Variants in MPZL2 observed in about 807,000 individuals in gnomAD.
MPZL2 encodes myelin protein zero like 2.
MPZL2 carries 32 observed loss-of-function variants against 24.5 expected under a neutral mutation model. The ratio of observed to expected loss-of-function variants is 1.31; its 90% CI spans 0.99 to 1.76. The LOEUF is 1.76. MPZL2 is among the 40% of genes most tolerant of loss of function. The pLI is 0.00. For synonymous variants in MPZL2, 92 were observed against 97.9 expected (o/e 0.94, Z 0.36); for missense variants, 304 against 274.9 (o/e 1.11, Z -0.75).
intron 5 of MPZL2, among the ~76,000 whole-genome samples, chr11:118,256,443 C>T (rs1949660548): frequency 6.6e-6 from 1 of 152,090 alleles, no homozygotes; most frequent in Non-Finnish European, 1.5e-5. Flanking sequence ...CGCTTGAGCT[C>T]AGGTGAGACC....
intron 4 of MPZL2, among the ~76,000 whole-genome samples, chr11:118,257,984 T>C (rs1949673005): frequency 6.6e-6 from 1 of 151,592 alleles, no homozygotes. Flanking sequence ...CACTCCAGCC[T>C]GGGCAACCAG....
chr11:118,255,578 C>T (rs1949654925), intron 5 of MPZL2, among the ~76,000 whole-genome samples: 1 of 152,014 alleles, frequency 6.6e-6, no homozygotes, highest in South Asian at 2.1e-4. Flanking sequence ...TGGAATTTAC[C>T]CATCCCTTAA....
chr11:118,262,387 T>C (rs1565500787), intron 3 of MPZL2, 51 bp downstream of exon 3: 2 of 1,579,896 alleles, frequency 1.3e-6, no homozygotes, highest in South Asian at 2.2e-5. Flanking sequence ...GCCCCTTTCT[T>C]TTCTACAAGC....
chr11:118,257,217 C>T, intron 5 of MPZL2, 21 bp downstream of exon 5: 2 of 1,553,522 alleles, frequency 1.3e-6, no homozygotes, highest in South Asian at 2.3e-5. Flanking sequence ...AGAAAGAAAT[C>T]AACCTATTTG....
chr11:118,259,202 A>G (rs1706546491), intron 4 of MPZL2: 1 of 152,200 alleles, frequency 6.6e-6, no homozygotes, highest in Non-Finnish European at 1.5e-5. Flanking sequence ...GATCTACACA[A>G]AAGCTTGTAA....
chr11:118,257,211 A>G (rs1949666400), intron 5 of MPZL2, 27 bp downstream of exon 5: 1 of 1,538,130 alleles, frequency 6.5e-7, no homozygotes, highest in Non-Finnish European at 9.0e-7. Flanking sequence ...AGCTGAAGAA[A>G]GAAATCAACC....
At chr11:118,257,086 A>G (rs1949665449) in intron 5 of MPZL2, 152 bp downstream of exon 5, 1 of 511,354 alleles carries the variant, frequency 2.0e-6, no homozygotes, top group Non-Finnish European at 3.4e-6. Context: ...CATAAGACTA[A>G]TAGAAGACTT....
Position 118,262,990 on chromosome 11 carries a change from C to G in MPZL2, c.166G>C (p.Gly56Arg). 1 of 1,614,178 alleles carries G rather than the reference C, an allele frequency of 6.2e-7. No individual in the cohort carries two copies. The highest frequency in any genetic ancestry group is 1.6e-4 in the Middle Eastern group (1 of 6,062). The change falls in exon 2 of 6, where the codon GGT (glycine) becomes CGT (arginine). Residue 56 changes from glycine (G) to arginine (R), a missense_variant. Coordinates refer to ENST00000278937, the MANE Select transcript of MPZL2 (RefSeq NM_005797.4). ...KCTFSSFAPV[G>R]DALTVTWNFR... ...TTCCAGGTCACTGTTAGAGCATCAC[C>G]CACAGGGGCAAAGCTGGAGAAAGTG...
chr11:118,255,324 A>C (rs1264541329), intron 5 of MPZL2, 91 bp from the exon 6 acceptor site: 21 of 152,224 alleles, frequency 1.4e-4, no homozygotes, highest in Non-Finnish European at 3.1e-4. Flanking sequence ...ATATGTTATT[A>C]GAAGGAAAAT....
rs878997074 is a variant in MPZL2, at chr11:118,254,300, T to C, written c.*946A>G. On this transcript the variant is annotated 3_prime_UTR_variant, in exon 6 of 6. Coordinates refer to ENST00000278937, the MANE Select transcript of MPZL2 (RefSeq NM_005797.4). ...ATAAAACTGTACAAAATTATCATCA[T>C]TTAGAGTTGATTTTTTTCACCAGCC... 1.3e-5 allele frequency: 2 copies of C among 152,224 alleles called. No individual in the cohort carries two copies. Among genetic ancestry groups the C allele is most frequent in the African/African-American group, 4.8e-5 (2 of 41,464 alleles). 9.4% of individuals were successfully genotyped at this position (152,224 alleles called of 1,614,324 possible). A position where few individuals can be genotyped will look rare whatever the true frequency, so the allele number is the denominator to read the frequency against.
intron 1 of MPZL2, 141 bp from the exon 2 acceptor site, chr11:118,263,238 A>G (rs749597078): frequency 2.4e-6 from 2 of 850,958 alleles, no homozygotes; most frequent in East Asian, 5.1e-5. Flanking sequence ...AACTTACTTC[A>G]CCCAGAATCT....
At chr11:118,256,431 A>G (rs1194554691) in intron 5 of MPZL2, among the ~76,000 whole-genome samples, 6 of 152,188 alleles carry the variant, frequency 3.9e-5, no homozygotes, top group Non-Finnish European at 8.8e-5. Flanking sequence ...AGGCAGGTGG[A>G]TCGCTTGAGC....
At chr11:118,261,656 G>C (rs1458341005) in intron 3 of MPZL2, among the ~76,000 whole-genome samples, 1 of 152,128 alleles carries the variant, frequency 6.6e-6, no homozygotes, top group East Asian at 1.9e-4. Flanking sequence ...GTAAATGGTA[G>C]CAATGACTCA....
In MPZL2 at chr11:118,253,945, G is replaced by GA. The variant is rs1191514549; in HGVS notation, c.*1300dup. 2.6e-5 allele frequency: 4 copies of GA among 152,348 alleles called. No individual in the cohort carries two copies. The highest frequency in any genetic ancestry group is 5.9e-5 in the Non-Finnish European group (4 of 67,926). The allele number at this position is 152,348 out of a possible 1,614,324, so 9.4% of individuals were successfully genotyped here. A position where few individuals can be genotyped will look rare whatever the true frequency, so the allele number is the denominator to read the frequency against. On this transcript the variant is annotated 3_prime_UTR_variant, in exon 6 of 6. Coordinates refer to ENST00000278937, the MANE Select transcript of MPZL2 (RefSeq NM_005797.4). ...GTTTGAAAATTCCAGTTTGTTAAAA[G>GA]AAAAAACATCTGCAGTCCAGTCGAT...
At chr11:118,260,335 A>G in intron 3 of MPZL2, 134 bp from the exon 4 acceptor site, 1 of 850,610 alleles carries the variant, frequency 1.2e-6, no homozygotes, top group Non-Finnish European at 1.8e-6. Flanking sequence ...AAAATAATAT[A>G]TTACCTTGTG....
intron 4 of MPZL2, among the ~76,000 whole-genome samples, chr11:118,258,377 A>G (rs1167906431): frequency 2.0e-5 from 3 of 152,210 alleles, no homozygotes; most frequent in African/African-American, 7.2e-5. Context: ...TGCAAGTTGT[A>G]TATCTGATAA....
intron 1 of MPZL2, among the ~76,000 whole-genome samples, chr11:118,263,477 A>G (rs1949718238): frequency 6.6e-6 from 1 of 152,220 alleles, no homozygotes; most frequent in Admixed American, 6.5e-5. Flanking sequence ...TACATTATGT[A>G]TTAAGGTTAA....
Position 118,262,589 on chromosome 11 carries a change from C to T in MPZL2, c.285G>A (p.Val95=). 6.2e-7 allele frequency: 1 copy of T among 1,614,180 alleles called. No individual in the cohort carries two copies. The highest frequency in any genetic ancestry group is 8.5e-7 in the Non-Finnish European group (1 of 1,180,038). Residue 95 remains valine (V), a synonymous_variant, in exon 3 of 6, where the codon GTG becomes GTA. Coordinates refer to ENST00000278937, the MANE Select transcript of MPZL2 (RefSeq NM_005797.4). ...QPMSGRFKDR[V]SWDGNPERYD... ...ACCGCTCAGGATTCCCATCCCAAGA[C>T]ACCCGGTCCTTAAACCGCCCACTCA...
Position 118,262,528 on chromosome 11 carries a change from C to G in MPZL2, c.346G>C (p.Asp116His). ...TGGCAGGTGTATGTCCCATTGTCGTCGAACTGCAGTTTCCAGAGAAGGATG... is the reference window on the plus strand; with the variant it reads ...TGGCAGGTGTATGTCCCATTGTCGTGGAACTGCAGTTTCCAGAGAAGGATG... ...ASILLWKLQFDDNGTYTCQVK... is the reference protein window; with the variant it reads ...ASILLWKLQFHDNGTYTCQVK... Residue 116 changes from aspartate to histidine, a missense_variant, in exon 3 of 6, where the codon GAC becomes CAC. Asp to His is a moderately conservative substitution (Grantham distance 81). Coordinates refer to ENST00000278937, the MANE Select transcript of MPZL2 (RefSeq NM_005797.4). 6.2e-7 allele frequency: 1 copy of G among 1,614,168 alleles called. No homozygotes were observed. The highest frequency in any genetic ancestry group is 1.7e-4 in the Middle Eastern group (1 of 6,052).
Sources: gnomAD v4.1 joint callset for allele counts (sites outside exome capture counted in the v4.1 genomes callset) on GRCh38, gnomAD v4.1.1 for gene constraint, MANE v1.5 for transcripts, NCBI Gene and HGNC (gene_info 2026-07-23, HGNC 2026-07-21) for gene names.